Variants in PTTG2 observed in about 807,000 individuals in gnomAD.
PTTG2 encodes pituitary tumor-transforming 2.
For missense variants in PTTG2, 218 were observed against 226.3 expected (o/e 0.96, Z 0.23); for synonymous variants, 90 against 84.2 (o/e 1.07, Z -0.37).
In PTTG2 at chr4:37,961,068, T is replaced by A; in HGVS notation, c.*58T>A. The A allele has an allele frequency of 1.3e-6, 2 of 1,588,510 alleles. No individual in the cohort carries two copies. The highest frequency in any genetic ancestry group is 2.2e-5 in the South Asian group (2 of 90,458). ...AAATTTCTTAGTGCTTTGGAGTTTG[T>A]GTGTACTTGTATTAATAAAGCATTA... On this transcript the variant is annotated 3_prime_UTR_variant, in exon 1 of 1. Transcript: ENST00000504686.
In PTTG2 at chr4:37,960,847, A is replaced by G; in HGVS notation, c.413A>G (p.His138Arg). Residue 138 changes from histidine (H) to arginine (R), a missense_variant, in exon 1 of 1, where the codon CAC (histidine) becomes CGC (arginine). His to Arg is a conservative substitution (Grantham distance 29). Coordinates refer to ENST00000504686, the MANE Select transcript of PTTG2 (RefSeq NM_006607.3). ...FDLPEERQIA[H>R]LPLSGVPLMI... ...CTGCCTGAAGAGCGCCAGATTGCAC[A>G]CCTCCCCTTGAGTGGAGTGCCTCTC... is the stretch of plus-strand genomic sequence containing the variant. The G allele has an allele frequency of 1.2e-6, 2 of 1,614,014 alleles. No homozygotes were observed. The highest frequency in any genetic ancestry group is 8.5e-7 in the Non-Finnish European group (1 of 1,179,992).
rs1456050943 is a variant in PTTG2, at chr4:37,961,092, T to TA, written c.*83dup. ...GTGTGTACTTGTATTAATAAAGCAT[T>TA]ATTTGTTTAACAACATAATAAATAC... On this transcript the variant is annotated 3_prime_UTR_variant, in exon 1 of 1. Coordinates refer to ENST00000504686, the MANE Select transcript of PTTG2 (RefSeq NM_006607.3). 3.2e-6 allele frequency: 5 copies of TA among 1,550,464 alleles called. No individual in the cohort carries two copies. The African/African-American group carries it at 6.8e-5, about 21-fold the overall frequency.
rs530570223 is a variant in PTTG2 at position 37,960,398 on chromosome 4, A to G, written c.-37A>G. The G allele has an allele frequency of 3.9e-6, 6 of 1,543,588 alleles. No homozygotes were observed. In the East Asian group the frequency reaches 9.0e-5, roughly 23 times the overall value. On this transcript the variant is annotated 5_prime_UTR_variant, in exon 1 of 1. Transcript: ENST00000504686. ...AAATATAAAGTGGGACCACGGTCTT[A>G]GATGAATGTGGCTGTTGAGAGCGGC... is the stretch of plus-strand genomic sequence containing the variant.
In PTTG2 at chr4:37,960,665, C is replaced by G. The variant is rs372943159; in HGVS notation, c.231C>G (p.Thr77=). 1.1e-5 allele frequency: 18 copies of G among 1,614,012 alleles called. No homozygotes were observed. Among genetic ancestry groups the G allele is most frequent in the Middle Eastern group, 1.6e-4 (1 of 6,084 alleles). ...GAGCTACAGAAAAGTCAGTAAAGAC[C>G]AATGGACCCAGAAAACAAAAACAGC... is the stretch of plus-strand genomic sequence containing the variant. ...VNRATEKSVK[T]NGPRKQKQPS... is the part of the protein sequence containing the mutation. The change falls in exon 1 of 1, where the codon ACC becomes ACG. Residue 77 remains threonine, a synonymous_variant. Transcript: ENST00000504686.
At position 37,960,854 on chromosome 4, in the gene PTTG2, C is replaced by A. The variant is rs1451543678; in HGVS notation, c.420C>A (p.Pro140=). 2 of 1,614,056 alleles carry A rather than the reference C, an allele frequency of 1.2e-6. No homozygotes were observed. The highest frequency in any genetic ancestry group is 1.7e-6 in the Non-Finnish European group (2 of 1,180,040). Residue 140 remains proline (P), a synonymous_variant, in exon 1 of 1, where the codon CCC becomes CCA. Transcript: ENST00000504686. The part of the protein sequence containing the change: ...LPEERQIAHL[P]LSGVPLMILD... ...AAGAGCGCCAGATTGCACACCTCCC[C>A]TTGAGTGGAGTGCCTCTCATGATCC...
Position 37,960,908 on chromosome 4 carries a change from G to A in PTTG2, c.474G>A (p.Leu158=), listed in dbSNP as rs138267785. The part of the protein sequence containing the change: ...ILDEEGELEK[L]FQLGPPSPVK... ...ATGAGGAGGGAGAGCTTGAAAAGCT[G>A]TTTCAGCTGGGCCCCCCTTCACCTG... Residue 158 remains leucine, a synonymous_variant, in exon 1 of 1, where the codon CTG becomes CTA. Coordinates refer to ENST00000504686, the MANE Select transcript of PTTG2 (RefSeq NM_006607.3). 4 of 1,614,184 alleles carry A rather than the reference G, an allele frequency of 2.5e-6. No individual in the cohort carries two copies. The African/African-American group carries it at 4.0e-5, about 16-fold the overall frequency.
At position 37,961,032 on chromosome 4, in the gene PTTG2, CATAG is replaced by C; in HGVS notation, c.*26_*29del. 1 of 1,613,022 alleles carries C rather than the reference CATAG, an allele frequency of 6.2e-7. No individual in the cohort carries two copies. The highest frequency in any genetic ancestry group is 8.5e-7 in the Non-Finnish European group (1 of 1,178,946). On this transcript the variant is annotated 3_prime_UTR_variant, in exon 1 of 1. Transcript: ENST00000504686. ...TTGAATTGCCAGCTGTTTGCTATGA[CATAG>C]ATATTTAAATTTCTTAGTGCTTTGG...
At position 37,960,400 on chromosome 4, in the gene PTTG2, A is replaced by T; in HGVS notation, c.-35A>T. 6.4e-7 allele frequency: 1 copy of T among 1,555,574 alleles called. No homozygotes were observed. ...ATATAAAGTGGGACCACGGTCTTAG[A>T]TGAATGTGGCTGTTGAGAGCGGCAA... On this transcript the variant is annotated 5_prime_UTR_variant, in exon 1 of 1. It removes an upstream start codon present in the reference 5' UTR. Coordinates refer to ENST00000504686, the MANE Select transcript of PTTG2 (RefSeq NM_006607.3).
In PTTG2 at chr4:37,960,739, G is replaced by C; in HGVS notation, c.305G>C (p.Ser102Thr). 2 of 1,614,144 alleles carry C rather than the reference G, an allele frequency of 1.2e-6. No individual in the cohort carries two copies. The highest frequency in any genetic ancestry group is 1.7e-6 in the Non-Finnish European group (2 of 1,180,016). ...KMTEKTVKTK[S>T]SVPASDDAYP... Reference sequence around the variant, plus strand: ...ACCGAGAAGACTGTTAAAACAAAAAGTTCTGTTCCTGCCTCAGATGACGCC... The same window carrying C: ...ACCGAGAAGACTGTTAAAACAAAAACTTCTGTTCCTGCCTCAGATGACGCC... The change falls in exon 1 of 1, where the codon AGT becomes ACT. Residue 102 changes from serine to threonine, a missense_variant. Physicochemically the swap from Ser to Thr is moderately conservative, Grantham distance 58. Coordinates refer to ENST00000504686, the MANE Select transcript of PTTG2 (RefSeq NM_006607.3).
rs1729899618 is a variant in PTTG2, at chr4:37,960,883, A to C, written c.449A>C (p.Asp150Ala). ...AGTGGAGTGCCTCTCATGATCCTTG[A>C]TGAGGAGGGAGAGCTTGAAAAGCTG... ...PLSGVPLMIL[D>A]EEGELEKLFQ... Residue 150 changes from aspartate to alanine, a missense_variant, in exon 1 of 1, where the codon GAT (aspartate) becomes GCT (alanine). By Grantham distance (126) the Asp-to-Ala change is moderately radical. Transcript: ENST00000504686. The C allele has an allele frequency of 6.2e-7, 1 of 1,613,996 alleles. No homozygotes were observed. The highest frequency in any genetic ancestry group is 1.3e-5 in the African/African-American group (1 of 74,892).
In PTTG2 at chr4:37,960,510, C is replaced by T; in HGVS notation, c.76C>T (p.Leu26=). Residue 26 remains leucine (L), a synonymous_variant, in exon 1 of 1, where the codon CTG becomes TTG. Transcript: ENST00000504686. ...TGTGGCTGCCAAGGATGTGCTGAAG[C>T]TGGAGTCTAGACCTTCAATCAAAGC... The part of the protein sequence containing the change: ...TRVAAKDVLK[L]ESRPSIKALD... 6.2e-7 allele frequency: 1 copy of T among 1,614,128 alleles called. No homozygotes were observed. The highest frequency in any genetic ancestry group is 8.5e-7 in the Non-Finnish European group (1 of 1,180,014).
chr4:37,960,714 A>G lies in PTTG2; in HGVS notation c.280A>G (p.Thr94Ala). 7 of 1,614,230 alleles carry G rather than the reference A, an allele frequency of 4.3e-6. No individual in the cohort carries two copies. Among genetic ancestry groups the G allele is most frequent in the Non-Finnish European group, 5.9e-6 (7 of 1,180,040 alleles). ...GCCAAGCTTTTCTGCCAAAAAGATG[A>G]CCGAGAAGACTGTTAAAACAAAAAG... ...KQPSFSAKKM[T>A]EKTVKTKSSV... Residue 94 changes from threonine (T) to alanine (A), a missense_variant, in exon 1 of 1, where the codon ACC becomes GCC. Coordinates refer to ENST00000504686, the MANE Select transcript of PTTG2 (RefSeq NM_006607.3).
At position 37,960,570 on chromosome 4, in the gene PTTG2, T is replaced by G; in HGVS notation, c.136T>G (p.Phe46Val). 1 of 1,614,160 alleles carries G rather than the reference T, an allele frequency of 6.2e-7. No individual in the cohort carries two copies. Among genetic ancestry groups the G allele is most frequent in the Non-Finnish European group, 8.5e-7 (1 of 1,180,020 alleles). ...GATATCTCAAGTTTTAACACGACGT[T>G]TTGGCAAAACATACGATGCTCCATC... ...DGISQVLTRR[F>V]GKTYDAPSAL... The change falls in exon 1 of 1, where the codon TTT becomes GTT. Residue 46 changes from phenylalanine to valine, a missense_variant. Transcript: ENST00000504686.
the PTTG2 span, chr4:37,960,905 GCTGTTTCAGCTGGGCC>G: frequency 1.9e-6 from 3 of 1,614,164 alleles, no homozygotes; most frequent in Admixed American, 5.0e-5. Context: ...AGCTTGAAAA[GCTGTTTCAGCTGGGCC>G]CCCCTTCACC....
chr4:37,960,547 T>C lies in PTTG2; in HGVS notation c.113T>C (p.Ile38Thr). ...SRPSIKALDGISQVLTRRFGK... is the reference protein window; with the variant it reads ...SRPSIKALDGTSQVLTRRFGK... ...CCTTCAATCAAAGCATTAGATGGGA[T>C]ATCTCAAGTTTTAACACGACGTTTT... The change falls in exon 1 of 1, where the codon ATA (isoleucine) becomes ACA (threonine). Residue 38 changes from isoleucine (I) to threonine (T), a missense_variant. Coordinates refer to ENST00000504686, the MANE Select transcript of PTTG2 (RefSeq NM_006607.3). 1 of 1,614,162 alleles carries C rather than the reference T, an allele frequency of 6.2e-7. No homozygotes were observed.
rs905885361 is a variant in PTTG2, at chr4:37,960,683, A to G, written c.249A>G (p.Gln83=). The G allele has an allele frequency of 1.2e-6, 2 of 1,614,108 alleles. No homozygotes were observed. Among genetic ancestry groups the G allele is most frequent in the African/African-American group, 2.7e-5 (2 of 74,936 alleles). Residue 83 remains glutamine, a synonymous_variant, in exon 1 of 1, where the codon CAA becomes CAG. Transcript: ENST00000504686. The part of the protein sequence containing the change: ...KSVKTNGPRK[Q]KQPSFSAKKM... ...TAAAGACCAATGGACCCAGAAAACAAAAACAGCCAAGCTTTTCTGCCAAAA... is the reference window on the plus strand; with the variant it reads ...TAAAGACCAATGGACCCAGAAAACAGAAACAGCCAAGCTTTTCTGCCAAAA...
chr4:37,961,062 A>G lies in PTTG2; in HGVS notation c.*52A>G, dbSNP rs1292523072. On this transcript the variant is annotated 3_prime_UTR_variant, in exon 1 of 1. Transcript: ENST00000504686. ...ATATTTAAATTTCTTAGTGCTTTGG[A>G]GTTTGTGTGTACTTGTATTAATAAA... 1.3e-6 allele frequency: 2 copies of G among 1,595,290 alleles called. No individual in the cohort carries two copies. The highest frequency in any genetic ancestry group is 1.1e-5 in the South Asian group (1 of 90,660).
At chr4:37,960,480 A>AC in the PTTG2 span, 1 of 1,613,994 alleles carries the variant, frequency 6.2e-7, no homozygotes, top group Non-Finnish European at 8.5e-7. Flanking sequence ...AGAACCAGGC[A>AC]CCCGTGTGGC....
Position 37,960,777 on chromosome 4 carries a change from G to C in PTTG2, c.343G>C (p.Glu115Gln), listed in dbSNP as rs756769813. 1.2e-6 allele frequency: 2 copies of C among 1,614,172 alleles called. No individual in the cohort carries two copies. The highest frequency in any genetic ancestry group is 1.7e-6 in the Non-Finnish European group (2 of 1,180,020). ...PASDDAYPEI[E>Q]KFFPFNLLDF... is the part of the protein sequence containing the mutation. ...CTCAGATGACGCCTATCCAGAAATA[G>C]AAAAATTCTTTCCCTTCAATCTTCT... Residue 115 changes from glutamate to glutamine, a missense_variant, in exon 1 of 1, where the codon GAA (glutamate) becomes CAA (glutamine). By Grantham distance (29) the Glu-to-Gln change is conservative. Transcript: ENST00000504686.
Sources: gnomAD v4.1 joint callset for allele counts on GRCh38, gnomAD v4.1.1 for gene constraint, MANE v1.5 for transcripts, NCBI Gene and HGNC (gene_info 2026-07-23, HGNC 2026-07-21) for gene names.